The following TXNRD1 variants were observed in gnomAD, a reference collection of about 807,000 sequenced individuals.
TXNRD1 encodes the protein thioredoxin reductase 1.
A neutral mutation model predicts 80.3 loss-of-function variants in TXNRD1; 57 were observed. That is an observed-to-expected ratio of 0.71 (90% CI 0.57 to 0.89). The LOEUF is 0.89. Ranked by LOEUF, TXNRD1 falls within the 40% of genes least tolerant of loss-of-function variation. TXNRD1 has a pLI of 0.00. For missense variants in TXNRD1, 730 were observed against 803.0 expected (o/e 0.91, Z 1.10); for synonymous variants, 291 against 285.2 (o/e 1.02, Z -0.20).
At chr12:104,294,160 CGAGCCTGACTGATGTCAGGCCCTCCACAA>C (rs2034338189) in intron 4 of TXNRD1, among the ~76,000 whole-genome samples, 1 of 146,118 alleles carries the variant, frequency 6.8e-6, no homozygotes, top group Non-Finnish European at 1.5e-5. Flanking sequence ...TAACTGCGGG[CGAGCCTGACTGATGTCAGGCCCTCCACAA>C]GAGGTGGAGG....
intron 11 of TXNRD1, among the ~76,000 whole-genome samples, chr12:104,325,820 C>T (rs772967047): frequency 8.6e-5 from 13 of 151,006 alleles, no homozygotes; most frequent in Non-Finnish European, 1.6e-4. Flanking sequence ...TGCAGTGAGC[C>T]GAGATTGTGC....
intron 3 of TXNRD1, among the ~76,000 whole-genome samples, chr12:104,263,768 A>G (rs1471582049): frequency 1.3e-5 from 2 of 152,202 alleles, no homozygotes; most frequent in African/African-American, 4.8e-5. Flanking sequence ...GATGTGTATT[A>G]TTCATGTCTC....
intron 3 of TXNRD1, among the ~76,000 whole-genome samples, chr12:104,269,820 T>C (rs984099808): frequency 6.6e-5 from 10 of 152,032 alleles, no homozygotes; most frequent in African/African-American, 2.4e-4. Context: ...CCGCCTGCCT[T>C]GTCCTCCCAA....
In TXNRD1 at chr12:104,218,771, C is replaced by T. The variant is rs188548996; in HGVS notation, c.91+2878C>T. On this transcript the variant is annotated intron_variant, in intron 1 of 16. Coordinates refer to ENST00000525566, the MANE Select transcript of TXNRD1 (RefSeq NM_001093771.3). Reference sequence around the variant, plus strand: ...TGGTAAAGTGTGCCACCAAGCCCAGCTAATTTTTTTACATTTTGTAGAGAT... The same window carrying T: ...TGGTAAAGTGTGCCACCAAGCCCAGTTAATTTTTTTACATTTTGTAGAGAT... Among the ~76,000 whole-genome samples the T allele has an allele frequency of 3.9e-5, 6 of 151,926 alleles. No homozygotes were observed. The East Asian group carries it at 1.2e-3, about 30-fold the overall frequency.
At position 104,215,864 on chromosome 12, in the gene TXNRD1, G is replaced by A; in HGVS notation, c.62G>A (p.Gly21Asp). 6.4e-7 allele frequency: 1 copy of A among 1,559,490 alleles called. No individual in the cohort carries two copies. The highest frequency in any genetic ancestry group is 8.7e-7 in the Non-Finnish European group (1 of 1,152,650). ...GCCCCAACGGAGCTGCAGACGAAAG[G>A]CAAGAACGGCGATGGCCGCCGTAGG... ...AAAPTELQTK[G>D]KNGDGRRRSA... is the part of the protein sequence containing the mutation. The change falls in exon 1 of 17, where the codon GGC becomes GAC. Residue 21 changes from glycine to aspartate, a missense_variant. Transcript: ENST00000525566.
At chr12:104,332,940 T>C (rs929072645) in intron 14 of TXNRD1, among the ~76,000 whole-genome samples, 1 of 151,774 alleles carries the variant, frequency 6.6e-6, no homozygotes, top group Non-Finnish European at 1.5e-5. Context: ...TATATATGTG[T>C]GTGTGATTTT....
At chr12:104,237,243 T>C (rs143006281) in intron 1 of TXNRD1, among the ~76,000 whole-genome samples, 64 of 152,190 alleles carry the variant, frequency 4.2e-4, no homozygotes, top group African/African-American at 1.3e-3. Context: ...GTGTAGAAAA[T>C]ACACTGTAAG....
chr12:104,280,892 T>C (rs1433001781), intron 3 of TXNRD1, among the ~76,000 whole-genome samples: 1 of 152,066 alleles, frequency 6.6e-6, no homozygotes, highest in Non-Finnish European at 1.5e-5. Flanking sequence ...AAGAAAAAAA[T>C]CTCTCTATAT....
intron 1 of TXNRD1, among the ~76,000 whole-genome samples, chr12:104,241,515 C>T (rs1388420929): frequency 6.6e-6 from 1 of 152,006 alleles, no homozygotes; most frequent in African/African-American, 2.4e-5. Flanking sequence ...GGATTATAGG[C>T]ATGTGCCACC....
At chr12:104,252,669 T>TACATATAC (rs1565863313) in intron 2 of TXNRD1, among the ~76,000 whole-genome samples, 5 of 78,698 alleles carry the variant, frequency 6.4e-5, no homozygotes, top group African/African-American at 2.6e-4. Flanking sequence ...TTTTTATATA[T>TACATATAC]ATATATATAT....
chr12:104,278,415 G>A (rs1401888037), intron 3 of TXNRD1, among the ~76,000 whole-genome samples: 2 of 150,878 alleles, frequency 1.3e-5, no homozygotes, highest in African/African-American at 2.4e-5. Flanking sequence ...TAGCCAGGAC[G>A]GTCTCGATCT....
chr12:104,290,072 C>A (rs897696890), intron 4 of TXNRD1, among the ~76,000 whole-genome samples: 1 of 152,206 alleles, frequency 6.6e-6, no homozygotes, highest in Non-Finnish European at 1.5e-5. Context: ...TTGTCCTTAT[C>A]CATTTATATC....
intron 3 of TXNRD1, among the ~76,000 whole-genome samples, chr12:104,288,495 G>C (rs1241666832): frequency 1.3e-5 from 2 of 152,214 alleles, no homozygotes; most frequent in Non-Finnish European, 2.9e-5. Flanking sequence ...TTGGAAGTTG[G>C]ATTTTGGCAT....
rs535230875 is a variant in TXNRD1, at chr12:104,217,324, T to C, written c.91+1431T>C. 2.0e-5 allele frequency among the ~76,000 whole-genome samples: 3 copies of C among 151,952 alleles called. No homozygotes were observed. In the East Asian group the frequency reaches 5.8e-4, roughly 29 times the overall value. Reference sequence around the variant, plus strand: ...TTACCATCTTAACAATTTTGTTTTTTTTTTTTTTTTAGTTTCGCTCTCGTT... The same window carrying C: ...TTACCATCTTAACAATTTTGTTTTTCTTTTTTTTTTAGTTTCGCTCTCGTT... On this transcript the variant is annotated intron_variant, in intron 1 of 16. Transcript: ENST00000525566.
chr12:104,271,841 GC>G (rs2033658072), intron 3 of TXNRD1, among the ~76,000 whole-genome samples: 1 of 151,032 alleles, frequency 6.6e-6, no homozygotes, highest in South Asian at 2.1e-4. Context: ...ATGCACTCCA[GC>G]CTGAGCAACA....
chr12:104,274,176 C>G (rs2033709842), intron 3 of TXNRD1, among the ~76,000 whole-genome samples: 1 of 152,146 alleles, frequency 6.6e-6, no homozygotes, highest in South Asian at 2.1e-4. Flanking sequence ...GGTCTGAATG[C>G]CTCTTAATGA....
intron 3 of TXNRD1, among the ~76,000 whole-genome samples, chr12:104,282,677 G>C (rs1398382241): frequency 6.6e-6 from 1 of 152,096 alleles, no homozygotes; most frequent in African/African-American, 2.4e-5. Flanking sequence ...CAAGGGTTGG[G>C]GCACATGGGA....
At chr12:104,270,324 C>G (rs2033627158) in intron 3 of TXNRD1, among the ~76,000 whole-genome samples, 1 of 152,118 alleles carries the variant, frequency 6.6e-6, no homozygotes, top group Non-Finnish European at 1.5e-5. Context: ...AAAATTAATC[C>G]TTTATCCCTG....
At chr12:104,335,388 C>T (rs1042539041) in intron 15 of TXNRD1, among the ~76,000 whole-genome samples, 15 of 151,812 alleles carry the variant, frequency 9.9e-5, no homozygotes, top group East Asian at 5.8e-4. Flanking sequence ...TTAGTAGAGA[C>T]GGGGTTTCAC....
Sources: allele counts gnomAD v4.1 joint callset (sites outside exome capture counted in the v4.1 genomes callset), GRCh38; gene constraint gnomAD v4.1.1; transcripts MANE v1.5; gene names NCBI Gene and HGNC (gene_info 2026-07-23, HGNC 2026-07-21).